The following TET3 variants were observed in gnomAD, a reference collection of about 807,000 sequenced individuals.
The protein encoded by TET3 is tet methylcytosine dioxygenase 3.
Under a neutral mutation model 141.4 loss-of-function variants are expected in TET3, and 19 were observed. That is an observed-to-expected ratio of 0.13 (90% CI 0.09 to 0.20). The LOEUF (loss-of-function observed/expected upper bound fraction) is 0.20, where lower values mean the gene tolerates loss of function less well. Ranked by LOEUF, TET3 falls within the 10% of genes least tolerant of loss-of-function variation. The pLI is 1.00. For missense variants in TET3, 1,874 were observed against 2,356.9 expected (o/e 0.80, Z 4.24); for synonymous variants, 1,043 against 980.9 (o/e 1.06, Z -1.18).
In TET3 at chr2:74,099,521, C is replaced by T. The variant is rs556267724; in HGVS notation, c.3513C>T (p.Ala1171=). 82 of 1,612,744 alleles carry T rather than the reference C, an allele frequency of 5.1e-5. No individual in the cohort carries two copies. In the South Asian group the frequency reaches 7.3e-4, roughly 14 times the overall value. Residue 1171 remains alanine (A), a synonymous_variant, in exon 11 of 12, where the codon GCC becomes GCT. Coordinates refer to ENST00000409262, the MANE Select transcript of TET3 (RefSeq NM_001287491.2). ...QRQLEARKAA[A]EKKKIQKEKL... is the part of the protein sequence containing the mutation. ...AGCTGGAAGCCAGAAAGGCAGCAGC[C>T]GAGAAGAAGAAGATTCAGAAGGAGA...
chr2:74,115,470 T>C, the TET3 span, among the ~76,000 whole-genome samples: 1 of 152,102 alleles, frequency 6.6e-6, no homozygotes, highest in African/African-American at 2.4e-5. Flanking sequence ...TTGGGGACAA[T>C]GTAGACTATT....
At chr2:74,062,531 A>C (rs151317851) in intron 4 of TET3, among the ~76,000 whole-genome samples, 3 of 152,226 alleles carry the variant, frequency 2.0e-5, no homozygotes, top group Admixed American at 6.5e-5. Context: ...AGCAGAAGTA[A>C]AGGAGGAGGT....
In TET3 at chr2:74,093,061, G is replaced by A. The variant is rs1690597984; in HGVS notation, c.3129+70G>A. On this transcript the variant is annotated intron_variant, in intron 9 of 11. Transcript: ENST00000409262. The surrounding 1 kb of genome is among the most constrained non-coding windows in gnomAD (Gnocchi z 4.2). ...ATCTCTGCTCAGGCTCTGAAGGTGG[G>A]AAGTGGGAGAGTGGGCTCTTTTACT... 7.1e-7 allele frequency: 1 copy of A among 1,409,012 alleles called. No homozygotes were observed. Among genetic ancestry groups the A allele is most frequent in the South Asian group, 1.2e-5 (1 of 80,970 alleles). The allele number at this position is 1,409,012 out of a possible 1,614,324, so 87.3% of individuals were successfully genotyped here.
chr2:74,005,830 T>C (rs2105162839), intron 3 of TET3, among the ~76,000 whole-genome samples: 1 of 152,344 alleles, frequency 6.6e-6, no homozygotes, highest in South Asian at 2.1e-4. Flanking sequence ...TTTTATTGTT[T>C]GGTGCATTAC....
At chr2:74,090,368 T>TC (rs1157837528) in intron 8 of TET3, among the ~76,000 whole-genome samples, 10 of 152,220 alleles carry the variant, frequency 6.6e-5, no homozygotes, top group East Asian at 3.9e-4. Flanking sequence ...AGGTCATTTC[T>TC]CCCCCCCATC....
chr2:74,092,813 C>A, intron 8 of TET3, 89 bp from the exon 9 acceptor site: 1 of 1,165,474 alleles, frequency 8.6e-7, no homozygotes, highest in Non-Finnish European at 1.3e-6. Flanking sequence ...GCCTCCCCCA[C>A]GATGCTTCAG....
intron 3 of TET3, among the ~76,000 whole-genome samples, chr2:74,022,412 GTTTT>G (rs912330176): frequency 1.3e-5 from 2 of 149,040 alleles, no homozygotes; most frequent in African/African-American, 4.9e-5. Context: ...TGTTTGGGGG[GTTTT>G]TTGTTTGTTT....
intron 6 of TET3, among the ~76,000 whole-genome samples, chr2:74,086,987 C>T: frequency 6.6e-6 from 1 of 152,092 alleles, no homozygotes. Flanking sequence ...TCTCCCCTTT[C>T]CCAGGCCCTC....
chr2:73,998,000 G>A (rs1684677798), intron 2 of TET3, among the ~76,000 whole-genome samples: 1 of 152,200 alleles, frequency 6.6e-6, no homozygotes, highest in Non-Finnish European at 1.5e-5. Flanking sequence ...GGATGAGGAG[G>A]AGAAGGACTT....
chr2:74,077,366 T>C (rs575877517), intron 5 of TET3, among the ~76,000 whole-genome samples: 1 of 152,362 alleles, frequency 6.6e-6, no homozygotes, highest in South Asian at 2.1e-4. Context: ...TAGGGGATGC[T>C]GATGCTGCTG....
intron 2 of TET3, among the ~76,000 whole-genome samples, chr2:73,987,344 A>G (rs1342971646): frequency 6.6e-6 from 1 of 152,214 alleles, no homozygotes; most frequent in Non-Finnish European, 1.5e-5. Flanking sequence ...TGAATGGATG[A>G]CATGCTTTTG....
intron 3 of TET3, among the ~76,000 whole-genome samples, chr2:74,027,990 A>T (rs1293631158): frequency 1.3e-5 from 2 of 150,138 alleles, no homozygotes; most frequent in South Asian, 2.1e-4. Context: ...GGTTTTTTTC[A>T]CTTTTTTTTT....
chr2:74,068,051 G>C (rs1218664425), intron 4 of TET3, among the ~76,000 whole-genome samples: 2 of 152,158 alleles, frequency 1.3e-5, no homozygotes, highest in African/African-American at 4.8e-5. Flanking sequence ...GGTGATAATT[G>C]AGGCAAGAGC....
At chr2:74,041,203 A>C (rs1411894927) in intron 3 of TET3, among the ~76,000 whole-genome samples, 1 of 152,176 alleles carries the variant, frequency 6.6e-6, no homozygotes, top group Non-Finnish European at 1.5e-5. Flanking sequence ...ATGGAACCTA[A>C]GCTTTTCTCT....
At chr2:73,995,144 G>A (rs1462400601) in intron 2 of TET3, among the ~76,000 whole-genome samples, 2 of 152,088 alleles carry the variant, frequency 1.3e-5, no homozygotes, top group Non-Finnish European at 2.9e-5. Context: ...ATTTTTAGTA[G>A]AGACGGGGTT....
chr2:74,135,122 C>A, the TET3 span: 2 of 216,276 alleles, frequency 9.2e-6, no homozygotes, highest in Non-Finnish European at 1.9e-5. Flanking sequence ...TTTCAGAGTC[C>A]ATTTCAGAGC....
At chr2:74,024,238 G>A (rs913377485) in intron 3 of TET3, among the ~76,000 whole-genome samples, 4 of 152,220 alleles carry the variant, frequency 2.6e-5, no homozygotes, top group African/African-American at 7.2e-5. Context: ...CTACTCGTTT[G>A]CAGACCAGTC....
At chr2:74,012,041 G>A (rs2105197040) in intron 3 of TET3, among the ~76,000 whole-genome samples, 2 of 152,298 alleles carry the variant, frequency 1.3e-5, no homozygotes, top group Admixed American at 1.3e-4. Context: ...GCTCACTGCA[G>A]CCTCCACTTC....
At chr2:74,030,264 A>G (rs373108631) in intron 3 of TET3, among the ~76,000 whole-genome samples, 1 of 152,190 alleles carries the variant, frequency 6.6e-6, no homozygotes, top group East Asian at 1.9e-4. Context: ...TAAAAAAACT[A>G]CCTAGTTTTC....
Sources: gnomAD v4.1 joint callset for allele counts (sites outside exome capture counted in the v4.1 genomes callset) on GRCh38, gnomAD v4.1.1 for gene constraint, Gnocchi (gnomAD v3.1) non-coding constraint, MANE v1.5 for transcripts, NCBI Gene and HGNC (gene_info 2026-07-23, HGNC 2026-07-21) for gene names.